Variants in CAPN14 observed in about 807,000 individuals in gnomAD.
The protein encoded by CAPN14 is calpain-14.
CAPN14 carries 94 observed loss-of-function variants against 101.3 expected under a neutral mutation model. The ratio of observed to expected loss-of-function variants is 0.93; its 90% confidence interval spans 0.79 to 1.10. The LOEUF is 1.10. CAPN14 is among the 50% of genes least tolerant of loss of function. The probability of loss-of-function intolerance (pLI) is 0.00; values close to 1 mark genes in which losing one functional copy is unlikely to be tolerated. For synonymous variants in CAPN14, 338 were observed against 317.9 expected, an observed-to-expected ratio of 1.06 and a Z score of -0.67; for missense variants, 837 against 828.4, an observed-to-expected ratio of 1.01 and a Z score of -0.13.
Position 31,206,029 on chromosome 2 carries a change from TATTTA to T in CAPN14, c.-52-535_-52-531del, listed in dbSNP as rs777435427. Among the ~76,000 whole-genome samples, 71 of 125,696 alleles carry T rather than the reference TATTTA, an allele frequency of 5.6e-4. 1 individual carries two copies. Among genetic ancestry groups the T allele is most frequent in the South Asian group, 1.2e-3 (4 of 3,286 alleles). 82.5% of individuals were successfully genotyped at this position (125,696 alleles called of 152,430 possible). Reference sequence around the variant, plus strand: ...CCTCCTACATTATCTTTATTTTTTTTATTTATTTATTTTTTTTTTTTGAGACAGAG... The same window carrying T: ...CCTCCTACATTATCTTTATTTTTTTTTTTATTTTTTTTTTTTGAGACAGAG... On this transcript the variant is annotated intron_variant, in intron 1 of 21. Transcript: ENST00000403897.
chr2:31,205,241 C>T lies in CAPN14; in HGVS notation c.207G>A (p.Leu69=). The change falls in exon 2 of 22, where the codon CTG becomes CTA. Residue 69 remains leucine, a synonymous_variant. Coordinates refer to ENST00000403897, the MANE Select transcript of CAPN14 (RefSeq NM_001145122.2). Reference sequence around the variant, plus strand: ...GCCTCACCGGGGGCCTCTTCCACTGCAGGCGGGGTGGCAGCTTCTGCAGCA... The same window carrying T: ...GCCTCACCGGGGGCCTCTTCCACTGTAGGCGGGGTGGCAGCTTCTGCAGCA... ...GSLLQKLPPR[L]QWKRPPELHS... is the part of the protein sequence containing the mutation. The T allele has an allele frequency of 6.5e-7, 1 of 1,549,678 alleles. No homozygotes were observed. Among genetic ancestry groups the T allele is most frequent in the Non-Finnish European group, 8.7e-7 (1 of 1,146,902 alleles).
chr2:31,191,842 G>T, intron 11 of CAPN14, 93 bp downstream of exon 11: 1 of 1,228,028 alleles, frequency 8.1e-7, no homozygotes, highest in Non-Finnish European at 1.1e-6. Flanking sequence ...AACAGAGACA[G>T]ATGGTGAAGA....
At chr2:31,200,247 C>T (rs994389719) in intron 6 of CAPN14, among the ~76,000 whole-genome samples, 6 of 152,134 alleles carry the variant, frequency 3.9e-5, no homozygotes, top group Admixed American at 6.5e-5. Context: ...CCAGGTGATC[C>T]GCCCACCTGG....
intron 11 of CAPN14, 127 bp from the exon 12 acceptor site, chr2:31,191,534 A>G: frequency 1.2e-6 from 1 of 864,848 alleles, no homozygotes; most frequent in Non-Finnish European, 1.7e-6. Flanking sequence ...CTCTACCCAG[A>G]AGCCGTGTCC....
At chr2:31,183,522 C>T (rs1680754236) in intron 16 of CAPN14, among the ~76,000 whole-genome samples, 1 of 152,004 alleles carries the variant, frequency 6.6e-6, no homozygotes, top group African/African-American at 2.4e-5. Flanking sequence ...AAAAAGTGGG[C>T]AAAGGACATG....
Position 31,208,259 on chromosome 2 carries a change from T to G in CAPN14, c.-52-2760A>C, listed in dbSNP as rs1682208817. Among the ~76,000 whole-genome samples, 2 of 152,134 alleles carry G rather than the reference T, an allele frequency of 1.3e-5. 1 individual carries two copies. Among genetic ancestry groups the G allele is most frequent in the South Asian group, 4.1e-4 (2 of 4,830 alleles). On this transcript the variant is annotated intron_variant, in intron 1 of 21. Coordinates refer to ENST00000403897, the MANE Select transcript of CAPN14 (RefSeq NM_001145122.2). ...CTTACCCCATTTTCTTCCCAGGAAG[T>G]TTCTTCTACCACCTGCACATTTATA...
chr2:31,224,882 T>C (rs978539136), intron 2 of CAPN14, among the ~76,000 whole-genome samples: 3 of 152,046 alleles, frequency 2.0e-5, no homozygotes, highest in Admixed American at 2.0e-4. Context: ...TGTGAATAAA[T>C]AGACAGTCAT....
At chr2:31,209,263 C>T (rs1682271207) in intron 1 of CAPN14, among the ~76,000 whole-genome samples, 1 of 151,734 alleles carries the variant, frequency 6.6e-6, no homozygotes, top group Admixed American at 6.6e-5. Flanking sequence ...AGGCATGAAC[C>T]ACCGTGCCTG....
chr2:31,178,634 A>C lies in CAPN14; in HGVS notation c.1711-55T>G, dbSNP rs1680432376. On this transcript the variant is annotated intron_variant, in intron 17 of 21. Coordinates refer to ENST00000403897, the MANE Select transcript of CAPN14 (RefSeq NM_001145122.2). Reference sequence around the variant, plus strand: ...AGGGAGAGTTCTATCCATGCTTTGGAGGCAGTGATCAGCCCTCCACAAAGT... The same window carrying C: ...AGGGAGAGTTCTATCCATGCTTTGGCGGCAGTGATCAGCCCTCCACAAAGT... 5 of 1,195,972 alleles carry C rather than the reference A, an allele frequency of 4.2e-6. No individual in the cohort carries two copies. In the East Asian group the frequency reaches 1.4e-4, roughly 33 times the overall value. The allele number at this position is 1,195,972 out of a possible 1,614,324, so 74.1% of individuals were successfully genotyped here.
chr2:31,181,975 A>G (rs1020370286), intron 16 of CAPN14, among the ~76,000 whole-genome samples: 2 of 151,934 alleles, frequency 1.3e-5, no homozygotes, highest in African/African-American at 4.8e-5. Context: ...TAGTGCCGCA[A>G]TAAACATACA....
In CAPN14 at chr2:31,187,812, C is replaced by A. The variant is rs745403513; in HGVS notation, c.1533G>T (p.Glu511Asp). 2 of 1,550,444 alleles carry A rather than the reference C, an allele frequency of 1.3e-6. No individual in the cohort carries two copies. The highest frequency in any genetic ancestry group is 2.4e-5 in the South Asian group (2 of 84,004). The change falls in exon 15 of 22, where the codon GAG becomes GAT. Residue 511 changes from glutamate (E) to aspartate (D), a missense_variant and splice_region_variant. By Grantham distance (45) the Glu-to-Asp change is conservative. Transcript: ENST00000403897. ...CCTGCCTTTCATTTTGGTCTTCTATCTCCTATAGGAAGAGACACACAGAAA... is the reference window on the plus strand; with the variant it reads ...CCTGCCTTTCATTTTGGTCTTCTATATCCTATAGGAAGAGACACACAGAAA... ...GSNSGVVFSKEIEDQNERQDE... is the reference protein window; with the variant it reads ...GSNSGVVFSKDIEDQNERQDE...
intron 7 of CAPN14, among the ~76,000 whole-genome samples, chr2:31,197,615 G>A (rs1249010616): frequency 1.3e-5 from 2 of 152,210 alleles, no homozygotes; most frequent in Non-Finnish European, 2.9e-5. Context: ...CCCCAAAGAG[G>A]ATATGTACAC....
At chr2:31,176,935 C>A (rs1452299027) in intron 20 of CAPN14, 91 bp downstream of exon 20, 13 of 947,486 alleles carry the variant, frequency 1.4e-5, no homozygotes, top group Middle Eastern at 2.1e-4. Flanking sequence ...GGGATGGCGG[C>A]TGTCCTCCCT....
chr2:31,199,137 A>C (rs1049779849), intron 7 of CAPN14, among the ~76,000 whole-genome samples: 1 of 152,140 alleles, frequency 6.6e-6, no homozygotes, highest in Non-Finnish European at 1.5e-5. Flanking sequence ...GTCAGAGAGG[A>C]GTAGAAATTT....
At chr2:31,225,683 T>A (rs878902366) in intron 2 of CAPN14, among the ~76,000 whole-genome samples, 8 of 152,168 alleles carry the variant, frequency 5.3e-5, no homozygotes, top group Admixed American at 4.6e-4. Context: ...AATTTCCATA[T>A]GGCTGAATAT....
At chr2:31,194,732 T>A in intron 8 of CAPN14, among the ~76,000 whole-genome samples, 1 of 152,174 alleles carries the variant, frequency 6.6e-6, no homozygotes, top group Non-Finnish European at 1.5e-5. Context: ...TGTTAGAGAT[T>A]AGGAAACTGA....
chr2:31,189,787 G>T (rs1473897447), intron 12 of CAPN14: 1 of 484,436 alleles, frequency 2.1e-6, no homozygotes, highest in African/African-American at 2.0e-5. Context: ...TTATGGCTGA[G>T]GGCTCTGAGG....
In CAPN14 at chr2:31,195,415, C is replaced by T. The variant is rs1681416653; in HGVS notation, c.876-932G>A. ...GCAGTGGTGCGATCTCAGCTCACTG[C>T]AACCTCCGCCTCCCGGGTTCAAGCA... is the stretch of plus-strand genomic sequence containing the variant. On this transcript the variant is annotated intron_variant, in intron 8 of 21. Coordinates refer to ENST00000403897, the MANE Select transcript of CAPN14 (RefSeq NM_001145122.2). 5.9e-5 allele frequency among the ~76,000 whole-genome samples: 9 copies of T among 152,232 alleles called. No individual in the cohort carries two copies. In the South Asian group the frequency reaches 1.9e-3, roughly 31 times the overall value.
chr2:31,214,315 A>G (rs138414740), intron 1 of CAPN14, among the ~76,000 whole-genome samples: 1 of 152,310 alleles, frequency 6.6e-6, no homozygotes, highest in Non-Finnish European at 1.5e-5. Flanking sequence ...TGAACTGTCA[A>G]TCACTTGGCT....
Sources: allele counts gnomAD v4.1 joint callset (sites outside exome capture counted in the v4.1 genomes callset), GRCh38; gene constraint gnomAD v4.1.1; transcripts MANE v1.5; gene names NCBI Gene and HGNC (gene_info 2026-07-23, HGNC 2026-07-21).